The following GHR variants were observed in gnomAD, a reference collection of about 807,000 sequenced individuals.
The protein encoded by GHR is GH receptor.
In GHR, 35 loss-of-function variants were observed where a neutral mutation model predicts 67.1. The observed-to-expected ratio is 0.52, with a 90% CI of 0.40 to 0.69. The LOEUF (loss-of-function observed/expected upper bound fraction) is 0.69, where lower values mean the gene tolerates loss of function less well. GHR is among the 30% of genes least tolerant of loss of function. The pLI is 0.00. For missense variants in GHR, 792 were observed against 764.6 expected (o/e 1.04, Z -0.42); for synonymous variants, 272 against 269.1 (o/e 1.01, Z -0.10).
rs1758985812 is a variant in GHR, at chr5:42,720,885, T to C, written c.*1461T>C. On this transcript the variant is annotated 3_prime_UTR_variant, in exon 10 of 10. Transcript: ENST00000230882. ...AGCAACCTCAGTAATTTAGAAATCA[T>C]TTTGCAATCCCTTAATATCCTAAAC... 6.6e-6 allele frequency: 1 copy of C among 151,630 alleles called. No individual in the cohort carries two copies. Among genetic ancestry groups the C allele is most frequent in the Non-Finnish European group, 1.5e-5 (1 of 67,956 alleles). 9.4% of individuals were successfully genotyped at this position (151,630 alleles called of 1,614,324 possible). A position where few individuals can be genotyped will look rare whatever the true frequency, so the allele number is the denominator to read the frequency against.
intron 1 of GHR, among the ~76,000 whole-genome samples, chr5:42,560,318 C>T (rs1021414877): frequency 6.6e-6 from 1 of 152,054 alleles, no homozygotes. Context: ...CTCAGTCTCC[C>T]GATCAGCTGG....
chr5:42,562,175 A>G (rs1415545307), intron 1 of GHR, among the ~76,000 whole-genome samples: 1 of 152,176 alleles, frequency 6.6e-6, no homozygotes, highest in East Asian at 1.9e-4. Context: ...CTCATCTAGA[A>G]GCTTCCATAT....
intron 6 of GHR, among the ~76,000 whole-genome samples, chr5:42,705,950 G>C (rs1283753458): frequency 6.6e-6 from 1 of 152,204 alleles, no homozygotes; most frequent in Non-Finnish European, 1.5e-5. Flanking sequence ...TCTCTTTTAA[G>C]TTCTTTGAGA....
At chr5:42,615,811 T>C (rs1391417925) in intron 2 of GHR, among the ~76,000 whole-genome samples, 7 of 152,050 alleles carry the variant, frequency 4.6e-5, no homozygotes, top group African/African-American at 1.7e-4. Flanking sequence ...ATTGTAATAT[T>C]TCTAAAATAT....
chr5:42,643,961 T>C (rs7722558), intron 3 of GHR, among the ~76,000 whole-genome samples: 27,358 of 152,084 alleles, frequency 0.18, 2,830 homozygotes, highest in African/African-American at 0.25. Flanking sequence ...GAATTGCATT[T>C]GAGAATAACT....
chr5:42,547,794 C>G (rs1748805602), intron 1 of GHR, among the ~76,000 whole-genome samples: 3 of 152,046 alleles, frequency 2.0e-5, no homozygotes, highest in African/African-American at 7.2e-5. Context: ...ACTAAGTATG[C>G]TAGGATTTCT....
At chr5:42,432,895 G>T (rs1028194693) in intron 1 of GHR, among the ~76,000 whole-genome samples, 1 of 152,176 alleles carries the variant, frequency 6.6e-6, no homozygotes, top group Non-Finnish European at 1.5e-5. Flanking sequence ...TAAATATTTT[G>T]CAGGTGGCCT....
chr5:42,664,244 C>T (rs1234729550), intron 3 of GHR, among the ~76,000 whole-genome samples: 4 of 152,076 alleles, frequency 2.6e-5, no homozygotes, highest in South Asian at 2.1e-4. Flanking sequence ...AAAAAACTAC[C>T]TTAAAGTTCA....
intron 1 of GHR, among the ~76,000 whole-genome samples, chr5:42,448,178 C>T (rs1280439987): frequency 6.6e-6 from 1 of 152,184 alleles, no homozygotes; most frequent in East Asian, 1.9e-4. Flanking sequence ...CTACTGTTTT[C>T]CATAGCGGCT....
intron 1 of GHR, chr5:42,468,531 G>T: frequency 2.5e-6 from 2 of 805,178 alleles, no homozygotes; most frequent in South Asian, 1.8e-5. Context: ...GCTCCTACTG[G>T]CACGAGAACA....
intron 2 of GHR, among the ~76,000 whole-genome samples, chr5:42,579,133 A>AGAT (rs1456157241): frequency 0.011 from 636 of 58,790 alleles, 2 homozygotes; most frequent in East Asian, 0.013. Context: ...ATAGATAGAT[A>AGAT]GATAGATGAT....
chr5:42,476,912 A>G lies in GHR; in HGVS notation c.-12+52957A>G, dbSNP rs551555754. ...TTATTATTATAATACTTTAAGTTTTAGTGTACATGTGCACAACGTGCAGGT... is the reference window on the plus strand; with the variant it reads ...TTATTATTATAATACTTTAAGTTTTGGTGTACATGTGCACAACGTGCAGGT... On this transcript the variant is annotated intron_variant, in intron 1 of 9. Coordinates refer to ENST00000230882, the MANE Select transcript of GHR (RefSeq NM_000163.5). Among the ~76,000 whole-genome samples, 187 of 152,194 alleles carry G rather than the reference A, an allele frequency of 1.2e-3. 2 individuals carry two copies. In the Middle Eastern group the frequency reaches 0.014, roughly 11 times the overall value.
chr5:42,466,726 T>G (rs998290367), intron 1 of GHR, among the ~76,000 whole-genome samples: 1 of 152,370 alleles, frequency 6.6e-6, no homozygotes, highest in South Asian at 2.1e-4. Context: ...AATTAACTGC[T>G]GAAATGTTTA....
chr5:42,567,601 CT>C (rs144344752), intron 2 of GHR, among the ~76,000 whole-genome samples: 215 of 147,866 alleles, frequency 1.5e-3, no homozygotes, highest in African/African-American at 2.5e-3. Context: ...ATTTTTGTCT[CT>C]TTTTTTTTTG....
chr5:42,513,350 C>G (rs757902921), intron 1 of GHR, among the ~76,000 whole-genome samples: 5 of 152,214 alleles, frequency 3.3e-5, no homozygotes, highest in Admixed American at 1.3e-4. Context: ...TTATCCAGCT[C>G]TAGTCTTCTC....
intron 3 of GHR, among the ~76,000 whole-genome samples, chr5:42,655,950 C>T (rs1755234695): frequency 6.6e-6 from 1 of 152,096 alleles, no homozygotes; most frequent in Admixed American, 6.6e-5. Flanking sequence ...TTGATTTGGG[C>T]TTGCATAATT....
intron 1 of GHR, among the ~76,000 whole-genome samples, chr5:42,490,137 T>C (rs1187901501): frequency 1.3e-5 from 2 of 152,244 alleles, no homozygotes; most frequent in Non-Finnish European, 2.9e-5. Flanking sequence ...ATTACTTAGA[T>C]GTTCACAGAG....
chr5:42,640,871 A>G (rs1754436887), intron 3 of GHR, among the ~76,000 whole-genome samples: 1 of 152,002 alleles, frequency 6.6e-6, no homozygotes, highest in Non-Finnish European at 1.5e-5. Flanking sequence ...CCCTGCTTTT[A>G]TGTTCTGCTT....
intron 2 of GHR, among the ~76,000 whole-genome samples, chr5:42,566,911 G>A (rs902319560): frequency 1.3e-5 from 2 of 151,962 alleles, no homozygotes; most frequent in Non-Finnish European, 2.9e-5. Context: ...AGCTGCTGAG[G>A]GTGACCACAG....
Sources: allele counts gnomAD v4.1 joint callset (sites outside exome capture counted in the v4.1 genomes callset), GRCh38; gene constraint gnomAD v4.1.1; transcripts MANE v1.5; gene names NCBI Gene and HGNC (gene_info 2026-07-23, HGNC 2026-07-21).